Variants in PCDHA10 observed in about 807,000 individuals in gnomAD.
PCDHA10 encodes the protein protocadherin alpha-10.
PCDHA10 carries 45 observed loss-of-function variants against 61.2 expected under a neutral mutation model. The observed-to-expected ratio is 0.74, with a 90% CI of 0.58 to 0.94. The LOEUF (loss-of-function observed/expected upper bound fraction) is 0.94, where lower values mean the gene tolerates loss of function less well. Among genes scored for constraint, PCDHA10 ranks in the 40% least tolerant of loss-of-function variants. The pLI is 0.00. For synonymous variants in PCDHA10, 602 were observed against 548.8 expected (o/e 1.10, Z -1.35); for missense variants, 1,278 against 1,236.2 (o/e 1.03, Z -0.51).
intron 1 of PCDHA10, chr5:140,877,636 C>T (rs1554169939): frequency 1.2e-6 from 2 of 1,613,640 alleles, no homozygotes; most frequent in Admixed American, 1.7e-5. Context: ...CACTGCGCTG[C>T]GTTGCTCAGC....
chr5:140,891,876 G>C (rs781983742), intron 1 of PCDHA10, among the ~76,000 whole-genome samples: 9 of 152,186 alleles, frequency 5.9e-5, no homozygotes, highest in Non-Finnish European at 1.2e-4. Context: ...TTTTGGCTCT[G>C]TCATGTGACG....
At chr5:140,926,775 G>C in intron 1 of PCDHA10, 9 of 1,391,106 alleles carry the variant, frequency 6.5e-6, no homozygotes, top group Admixed American at 3.1e-5. Flanking sequence ...GCCCGCAGCA[G>C]TGACGGCCGG....
chr5:140,941,191 T>TTTTTTC (rs1554213809), intron 1 of PCDHA10, among the ~76,000 whole-genome samples: 1 of 93,206 alleles, frequency 1.1e-5, no homozygotes, highest in African/African-American at 3.9e-5. Context: ...GCTTCTTTTT[T>TTTTTTC]TTTCTTTCTT....
chr5:140,891,712 C>T (rs2063219356), intron 1 of PCDHA10, among the ~76,000 whole-genome samples: 1 of 152,148 alleles, frequency 6.6e-6, no homozygotes, highest in Non-Finnish European at 1.5e-5. Context: ...TTTGTACCCC[C>T]AAATTCATGT....
Position 140,978,838 on chromosome 5 carries a change from A to G in PCDHA10, c.2389-111A>G, listed in dbSNP as rs571929271. 3.9e-6 allele frequency: 6 copies of G among 1,554,610 alleles called. No homozygotes were observed. In the African/African-American group the frequency reaches 5.5e-5, roughly 14 times the overall value. On this transcript the variant is annotated intron_variant, in intron 1 of 3. Transcript: ENST00000307360. ...TTACACATGAAATGGCTCATTCAAT[A>G]CTTTTTTAGATGCCTGGAAATATTT... is the stretch of plus-strand genomic sequence containing the variant.
chr5:140,986,732 C>T (rs1427962629), intron 3 of PCDHA10, among the ~76,000 whole-genome samples: 1 of 152,150 alleles, frequency 6.6e-6, no homozygotes, highest in African/African-American at 2.4e-5. Context: ...CTTCTCAAGA[C>T]CCCAGGGGAT....
At chr5:140,876,950 C>A in intron 1 of PCDHA10, 1 of 1,613,514 alleles carries the variant, frequency 6.2e-7, no homozygotes, top group Non-Finnish European at 8.5e-7. Context: ...GTGTCCTACT[C>A]GCTGGTGGAG....
intron 1 of PCDHA10, among the ~76,000 whole-genome samples, chr5:140,958,935 G>A (rs1439446773): frequency 9.3e-6 from 1 of 107,572 alleles, no homozygotes; most frequent in African/African-American, 4.3e-5. Flanking sequence ...GCTCATACTT[G>A]TAATAATATT....
At chr5:140,997,673 TG>T (rs1554255971) in intron 3 of PCDHA10, among the ~76,000 whole-genome samples, 41 of 149,136 alleles carry the variant, frequency 2.7e-4, no homozygotes, top group African/African-American at 9.9e-4. Context: ...ACAGCTTGTG[TG>T]TGTGTGTGTG....
At chr5:141,009,312 A>G (rs1355833857) in intron 3 of PCDHA10, among the ~76,000 whole-genome samples, 1 of 152,160 alleles carries the variant, frequency 6.6e-6, no homozygotes, top group Non-Finnish European at 1.5e-5. Context: ...TTAAAAAGCT[A>G]GCCTGGCATG....
At chr5:140,864,520 C>T (rs1354044181) in intron 1 of PCDHA10, 1 of 152,154 alleles carries the variant, frequency 6.6e-6, no homozygotes, top group Admixed American at 6.5e-5. Context: ...GGTGATTTTA[C>T]TTCTTAATTT....
intron 3 of PCDHA10, among the ~76,000 whole-genome samples, chr5:140,993,652 T>C (rs1174007185): frequency 6.6e-6 from 1 of 152,172 alleles, no homozygotes; most frequent in Admixed American, 6.5e-5. Flanking sequence ...AATGACACTT[T>C]GGTTAACAAT....
At chr5:140,868,887 GGC>G in intron 1 of PCDHA10, 1 of 740,170 alleles carries the variant, frequency 1.4e-6, no homozygotes, top group Non-Finnish European at 2.1e-6. Context: ...CACAGTTTTA[GGC>G]GCAAGGTGTC....
intron 1 of PCDHA10, chr5:140,967,993 T>C (rs372478638): frequency 1.5e-5 from 24 of 1,614,206 alleles, no homozygotes; most frequent in Non-Finnish European, 1.2e-5. Flanking sequence ...CCACACTGCC[T>C]TTCCGACTGA....
At chr5:140,915,781 A>C (rs2153536351) in intron 1 of PCDHA10, among the ~76,000 whole-genome samples, 1 of 152,104 alleles carries the variant, frequency 6.6e-6, no homozygotes, top group South Asian at 2.1e-4. Flanking sequence ...GGCCTGCTGT[A>C]ACCACTACCT....
chr5:140,875,218 C>T (rs2055357705), intron 1 of PCDHA10: 1 of 744,910 alleles, frequency 1.3e-6, no homozygotes, highest in South Asian at 3.4e-5. Flanking sequence ...CGAAAAGAAC[C>T]TCAGGATCTT....
Position 141,006,215 on chromosome 5 carries a change from T to A in PCDHA10, c.2537-3412T>A, listed in dbSNP as rs530559800. Among the ~76,000 whole-genome samples, 194 of 151,754 alleles carry A rather than the reference T, an allele frequency of 1.3e-3. 2 individuals carry two copies. The highest frequency in any genetic ancestry group is 4.2e-3 in the African/African-American group (174 of 41,396). ...ATGTATGTTATGCCTCATTTTTTTT[T>A]AAATTTTTTATTTTTAGATGGAGTC... On this transcript the variant is annotated intron_variant, in intron 3 of 3. Coordinates refer to ENST00000307360, the MANE Select transcript of PCDHA10 (RefSeq NM_018901.4).
chr5:140,935,765 A>G (rs1554210670), intron 1 of PCDHA10, among the ~76,000 whole-genome samples: 1 of 152,080 alleles, frequency 6.6e-6, no homozygotes, highest in Non-Finnish European at 1.5e-5. Flanking sequence ...ATTCTTCCCC[A>G]CTTTGAGTTT....
In PCDHA10 at chr5:140,856,719, C is replaced by A; in HGVS notation, c.671C>A (p.Ser224Tyr). ...TDGGKPEFTG[S>Y]VSLLILVLDA... Reference sequence around the variant, plus strand: ...GGAGGCAAACCTGAATTTACCGGATCTGTTTCTCTGCTGATCCTGGTGTTA... The same window carrying A: ...GGAGGCAAACCTGAATTTACCGGATATGTTTCTCTGCTGATCCTGGTGTTA... Residue 224 changes from serine (S) to tyrosine (Y), a missense_variant, in exon 1 of 4, where the codon TCT (serine) becomes TAT (tyrosine). Physicochemically the swap from Ser to Tyr is moderately radical, Grantham distance 144. Coordinates refer to ENST00000307360, the MANE Select transcript of PCDHA10 (RefSeq NM_018901.4). 1 of 1,596,152 alleles carries A rather than the reference C, an allele frequency of 6.3e-7. No homozygotes were observed. The highest frequency in any genetic ancestry group is 8.6e-7 in the Non-Finnish European group (1 of 1,165,856).
Sources: gnomAD v4.1 joint callset for allele counts (sites outside exome capture counted in the v4.1 genomes callset) on GRCh38, gnomAD v4.1.1 for gene constraint, MANE v1.5 for transcripts, NCBI Gene and HGNC (gene_info 2026-07-23, HGNC 2026-07-21) for gene names.